TAX1BP3: variants seen among roughly 807,000 people sequenced by gnomAD.
The protein encoded by TAX1BP3 is Tax1 binding protein 3.
TAX1BP3 carries 13 observed loss-of-function variants against 15.3 expected under a neutral mutation model. The observed-to-expected ratio is 0.85, with a 90% CI of 0.55 to 1.35. The LOEUF is 1.35. TAX1BP3 is among the 40% of genes most tolerant of loss of function. The pLI is 0.00. For missense variants in TAX1BP3, 147 were observed against 169.6 expected, an observed-to-expected ratio of 0.87 and a Z score of 0.74; for synonymous variants, 70 against 66.0, an observed-to-expected ratio of 1.06 and a Z score of -0.30.
intron 1 of TAX1BP3, among the ~76,000 whole-genome samples, chr17:3,665,881 C>A (rs528276245): frequency 8.5e-5 from 13 of 152,172 alleles, no homozygotes; most frequent in Non-Finnish European, 1.6e-4. Context: ...CGAGATGAGG[C>A]TGAAAGTGTA....
chr17:3,665,195 C>T (rs183899485), intron 1 of TAX1BP3: 16 of 1,047,288 alleles, frequency 1.5e-5, no homozygotes, highest in East Asian at 4.7e-5. Flanking sequence ...CGGCCGGAAC[C>T]GCCATCTTCC....
At chr17:3,667,312 C>T (rs905536222) in intron 1 of TAX1BP3, among the ~76,000 whole-genome samples, 11 of 146,416 alleles carry the variant, frequency 7.5e-5, no homozygotes, top group Non-Finnish European at 7.4e-5. Flanking sequence ...CACTGTACTC[C>T]AGCCTGGGCG....
rs1294061911 is a variant in TAX1BP3, at chr17:3,665,243, GA to G, written c.40-446del. The G allele has an allele frequency of 5.0e-6, 7 of 1,386,432 alleles. No individual in the cohort carries two copies. The African/African-American group carries it at 8.5e-5, about 17-fold the overall frequency. The allele number at this position is 1,386,432 out of a possible 1,614,324, so 85.9% of individuals were successfully genotyped here. On this transcript the variant is annotated intron_variant, in intron 1 of 3. Transcript: ENST00000225525. ...AAATGACGAACACAAAGGGAAAGAG[GA>G]GAGGCACCGGATATATGTTCTCTAG...
chr17:3,667,210 G>T (rs985221077), intron 1 of TAX1BP3, among the ~76,000 whole-genome samples: 3 of 151,966 alleles, frequency 2.0e-5, no homozygotes, highest in Non-Finnish European at 4.4e-5. Flanking sequence ...GGGCATGCTG[G>T]TGCATGCCTG....
chr17:3,665,997 T>G (rs1184269037), intron 1 of TAX1BP3, among the ~76,000 whole-genome samples: 1 of 152,150 alleles, frequency 6.6e-6, no homozygotes, highest in Non-Finnish European at 1.5e-5. Context: ...CCCACCATGC[T>G]CTGGGGTGTT....
intron 1 of TAX1BP3, among the ~76,000 whole-genome samples, chr17:3,667,413 G>A (rs1017987008): frequency 4.0e-5 from 6 of 150,908 alleles, no homozygotes; most frequent in Non-Finnish European, 8.8e-5. Flanking sequence ...AGCTGGTCCA[G>A]CAATGTTTCC....
At chr17:3,665,550 GA>G in intron 1 of TAX1BP3, 8 of 1,370,430 alleles carry the variant, frequency 5.8e-6, no homozygotes, top group South Asian at 2.3e-5. Context: ...ACGCGTGAAG[GA>G]AAATGATCAG....
At position 3,662,970 on chromosome 17, in the gene TAX1BP3, C is replaced by T. The variant is rs2076297883; in HGVS notation, c.*778G>A. ...GGTTTCCACGGTAACCAAAGTAAGG[C>T]TTGTGCACTTGCTGAGCTTCCAGAT... On this transcript the variant is annotated 3_prime_UTR_variant, in exon 4 of 4. Coordinates refer to ENST00000225525, the MANE Select transcript of TAX1BP3 (RefSeq NM_014604.4). 6.6e-6 allele frequency: 1 copy of T among 152,190 alleles called. No individual in the cohort carries two copies. The highest frequency in any genetic ancestry group is 2.4e-5 in the African/African-American group (1 of 41,440). 9.4% of individuals were successfully genotyped at this position (152,190 alleles called of 1,614,324 possible). A position where few individuals can be genotyped will look rare whatever the true frequency, so the allele number is the denominator to read the frequency against.
chr17:3,663,935 A>T (rs759705319), intron 3 of TAX1BP3, 50 bp from the exon 4 acceptor site: 7 of 1,580,320 alleles, frequency 4.4e-6, no homozygotes, highest in Non-Finnish European at 6.0e-6. Flanking sequence ...GCCCTCTGGG[A>T]TCTGGAAGCA....
In TAX1BP3 at chr17:3,668,405, T is replaced by C. The variant is rs1259223564; in HGVS notation, c.39+83A>G. 16 of 1,536,382 alleles carry C rather than the reference T, an allele frequency of 1.0e-5. No homozygotes were observed. Among genetic ancestry groups the C allele is most frequent in the Admixed American group, 2.0e-5 (1 of 50,684 alleles). Reference sequence around the variant, plus strand: ...CAGGAGCCCCGGGTTCGATGCTCTGTCAACCTGCTTGGGGTGTCCGTTTCC... The same window carrying C: ...CAGGAGCCCCGGGTTCGATGCTCTGCCAACCTGCTTGGGGTGTCCGTTTCC... On this transcript the variant is annotated intron_variant, in intron 1 of 3. Coordinates refer to ENST00000225525, the MANE Select transcript of TAX1BP3 (RefSeq NM_014604.4). The surrounding 1 kb of genome is among the most constrained non-coding windows in gnomAD (Gnocchi z 4.1).
At chr17:3,664,595 T>C (rs2076318642) in intron 2 of TAX1BP3, 84 bp downstream of exon 2, 1 of 1,547,022 alleles carries the variant, frequency 6.5e-7, no homozygotes, top group Non-Finnish European at 8.9e-7. Flanking sequence ...GTCTGTTCCT[T>C]CCATGCAGGC....
At chr17:3,664,910 G>A in intron 1 of TAX1BP3, 112 bp from the exon 2 acceptor site, 1 of 1,455,118 alleles carries the variant, frequency 6.9e-7, no homozygotes, top group Non-Finnish European at 9.2e-7. Context: ...CCAGGCCCCT[G>A]CAGGAATCCA....
chr17:3,666,833 C>T (rs1344807592), intron 1 of TAX1BP3, among the ~76,000 whole-genome samples: 1 of 152,146 alleles, frequency 6.6e-6, no homozygotes, highest in African/African-American at 2.4e-5. Context: ...GCCTACTGTG[C>T]CTGGGTCCTC....
chr17:3,666,138 G>T (rs1414928392), intron 1 of TAX1BP3, among the ~76,000 whole-genome samples: 3 of 152,322 alleles, frequency 2.0e-5, no homozygotes, highest in East Asian at 1.9e-4. Flanking sequence ...TAACAGGAAG[G>T]AGAAAAGAAA....
intron 1 of TAX1BP3, among the ~76,000 whole-genome samples, chr17:3,666,919 A>G (rs1238756410): frequency 2.0e-5 from 3 of 152,188 alleles, no homozygotes; most frequent in Admixed American, 2.0e-4. Flanking sequence ...GTTGGGAGAC[A>G]GGGCTGTCAC....
chr17:3,667,388 C>G (rs952439756), intron 1 of TAX1BP3, among the ~76,000 whole-genome samples: 1 of 149,422 alleles, frequency 6.7e-6, no homozygotes, highest in African/African-American at 2.5e-5. Flanking sequence ...GAGGGTGAAG[C>G]TTAGGACAGC....
intron 1 of TAX1BP3, among the ~76,000 whole-genome samples, chr17:3,666,595 C>T (rs1448495318): frequency 6.6e-6 from 1 of 152,106 alleles, no homozygotes; most frequent in Non-Finnish European, 1.5e-5. Flanking sequence ...AGAAGAATGG[C>T]CTAAATGTCT....
intron 1 of TAX1BP3, among the ~76,000 whole-genome samples, chr17:3,666,140 G>T (rs1003547635): frequency 1.3e-5 from 2 of 152,164 alleles, no homozygotes; most frequent in African/African-American, 2.4e-5. Flanking sequence ...ACAGGAAGGA[G>T]AAAAGAAAAA....
chr17:3,663,738 G>A lies in TAX1BP3; in HGVS notation c.*10C>T, dbSNP rs113023181. The A allele has an allele frequency of 9.7e-5, 155 of 1,594,458 alleles. 3 individuals carry two copies. The highest frequency in any genetic ancestry group is 8.9e-4 in the African/African-American group (67 of 74,864). ...AGGCGGCAGGCAGGAGTCGCAGATG[G>A]TGGTGGCTGCTAGGACAGCATGGAC... On this transcript the variant is annotated 3_prime_UTR_variant, in exon 4 of 4. Coordinates refer to ENST00000225525, the MANE Select transcript of TAX1BP3 (RefSeq NM_014604.4).
Sources: gnomAD v4.1 joint callset for allele counts (sites outside exome capture counted in the v4.1 genomes callset) on GRCh38, gnomAD v4.1.1 for gene constraint, Gnocchi (gnomAD v3.1) non-coding constraint, MANE v1.5 for transcripts, NCBI Gene and HGNC (gene_info 2026-07-23, HGNC 2026-07-21) for gene names.